The following LEF1 variants were observed in gnomAD, a reference collection of about 807,000 sequenced individuals.
The protein encoded by LEF1 is lymphoid enhancer-binding factor 1.
A neutral mutation model predicts 51.2 loss-of-function variants in LEF1; 14 were observed. The ratio of observed to expected loss-of-function variants is 0.27; its 90% CI spans 0.18 to 0.43. LEF1 has a LOEUF of 0.43. Ranked by LOEUF, LEF1 falls within the 20% of genes least tolerant of loss-of-function variation. The pLI, the probability that LEF1 is intolerant of heterozygous loss-of-function variation, is 1.00. For synonymous variants in LEF1, 185 were observed against 183.2 expected (o/e 1.01, Z -0.08); for missense variants, 386 against 512.0 (o/e 0.75, Z 2.37).
At chr4:108,061,072 A>G (rs535792927) in intron 11 of LEF1, among the ~76,000 whole-genome samples, 3 of 152,252 alleles carry the variant, frequency 2.0e-5, no homozygotes, top group Admixed American at 6.5e-5. Flanking sequence ...CTGGTCTCCA[A>G]ACTCGGATGG....
chr4:108,158,679 A>C (rs1027227955), intron 3 of LEF1, among the ~76,000 whole-genome samples: 5 of 152,152 alleles, frequency 3.3e-5, no homozygotes, highest in Non-Finnish European at 7.3e-5. Context: ...GCTCAAAAAA[A>C]AATTCAATCA....
intron 3 of LEF1, among the ~76,000 whole-genome samples, chr4:108,162,867 A>G (rs1745147377): frequency 6.6e-6 from 1 of 152,194 alleles, no homozygotes; most frequent in South Asian, 2.1e-4. Flanking sequence ...TGAGGTTTCC[A>G]CTTCCTAAGA....
intron 3 of LEF1, among the ~76,000 whole-genome samples, chr4:108,092,917 T>TAAAAAAAAAAAAAAA (rs71592104): frequency 2.9e-4 from 9 of 31,142 alleles, no homozygotes; most frequent in African/African-American, 3.9e-4. Context: ...AATGAATATG[T>TAAAAAAAAAAAAAAA]AAAAAAAAAA....
intron 3 of LEF1, among the ~76,000 whole-genome samples, chr4:108,161,602 G>C (rs1335326822): frequency 6.6e-6 from 1 of 152,120 alleles, no homozygotes; most frequent in East Asian, 1.9e-4. Context: ...TGGTAGATTG[G>C]GAGAAAAGAC....
intron 3 of LEF1, among the ~76,000 whole-genome samples, chr4:108,131,069 G>A (rs28368942): frequency 0.089 from 13,478 of 151,628 alleles, 776 homozygotes; most frequent in African/African-American, 0.16. Flanking sequence ...TCAAACTCCT[G>A]GACTCAAGTG....
intron 3 of LEF1, among the ~76,000 whole-genome samples, chr4:108,107,356 A>C (rs917824202): frequency 2.0e-5 from 3 of 152,110 alleles, no homozygotes; most frequent in Non-Finnish European, 4.4e-5. Context: ...AAAGTCTACA[A>C]AGAGAAAAAA....
intron 9 of LEF1, among the ~76,000 whole-genome samples, chr4:108,066,788 T>C (rs1015473937): frequency 6.6e-6 from 1 of 152,152 alleles, no homozygotes; most frequent in Non-Finnish European, 1.5e-5. Context: ...CTGTATAATA[T>C]TGGAAAGCAT....
Position 108,167,464 on chromosome 4 carries a change from G to T in LEF1, c.213+91C>A. 7.6e-7 allele frequency: 1 copy of T among 1,312,550 alleles called. No individual in the cohort carries two copies. The highest frequency in any genetic ancestry group is 1.1e-6 in the Non-Finnish European group (1 of 929,514). The allele number at this position is 1,312,550 out of a possible 1,614,324, so 81.3% of individuals were successfully genotyped here. A position where few individuals can be genotyped will look rare whatever the true frequency, so the allele number is the denominator to read the frequency against. Reference sequence around the variant, plus strand: ...AGGGATCTACTCGGGACCCTCAGCCGGGCGGCCGGGCGCCTTCGTTCCCTT... The same window carrying T: ...AGGGATCTACTCGGGACCCTCAGCCTGGCGGCCGGGCGCCTTCGTTCCCTT... On this transcript the variant is annotated intron_variant, in intron 1 of 11. Transcript: ENST00000265165. The surrounding 1 kb of genome is among the most constrained non-coding windows in gnomAD (Gnocchi z 5.7).
intron 3 of LEF1, among the ~76,000 whole-genome samples, chr4:108,090,134 A>G (rs1435731869): frequency 2.6e-5 from 4 of 151,822 alleles, no homozygotes; most frequent in Non-Finnish European, 5.9e-5. Context: ...CCGCCACCAC[A>G]TTCAGCTAAT....
At chr4:108,060,415 G>A (rs1460820174) in intron 11 of LEF1, among the ~76,000 whole-genome samples, 1 of 152,096 alleles carries the variant, frequency 6.6e-6, no homozygotes, top group Non-Finnish European at 1.5e-5. Flanking sequence ...AGAGGACGCT[G>A]GGCACAATCC....
At chr4:108,059,308 T>C (rs539722811) in intron 11 of LEF1, among the ~76,000 whole-genome samples, 3 of 152,292 alleles carry the variant, frequency 2.0e-5, no homozygotes, top group Admixed American at 2.0e-4. Flanking sequence ...ATGAAACCCA[T>C]AGGATCTTTA....
At position 108,088,325 on chromosome 4, in the gene LEF1, T is replaced by A. The variant is rs192306305; in HGVS notation, c.547+800A>T. On this transcript the variant is annotated intron_variant, in intron 4 of 11. Transcript: ENST00000265165. ...TTACGTTCTCTGCCTTCACATTTTTTAAAATCTTTTATTTTGAACTTTCAA... is the reference window on the plus strand; with the variant it reads ...TTACGTTCTCTGCCTTCACATTTTTAAAAATCTTTTATTTTGAACTTTCAA... Among the ~76,000 whole-genome samples, 201 of 152,342 alleles carry A rather than the reference T, an allele frequency of 1.3e-3. 1 individual carries two copies. The highest frequency in any genetic ancestry group is 3.1e-3 in the Admixed American group (47 of 15,310).
At chr4:108,097,631 C>A (rs1254477897) in intron 3 of LEF1, among the ~76,000 whole-genome samples, 1 of 152,086 alleles carries the variant, frequency 6.6e-6, no homozygotes, top group Non-Finnish European at 1.5e-5. Context: ...GAGATGGATA[C>A]CCCAATTACC....
chr4:108,115,114 C>T (rs1244962482), intron 3 of LEF1, among the ~76,000 whole-genome samples: 1 of 152,212 alleles, frequency 6.6e-6, no homozygotes, highest in Non-Finnish European at 1.5e-5. Flanking sequence ...TCTATGTCCA[C>T]ATATAATTCC....
chr4:108,166,013 C>A (rs1745366504), intron 1 of LEF1, among the ~76,000 whole-genome samples: 1 of 152,176 alleles, frequency 6.6e-6, no homozygotes, highest in Non-Finnish European at 1.5e-5. Flanking sequence ...GCAGGACTAG[C>A]AAAATGGGTA....
chr4:108,138,714 C>T (rs992926344), intron 3 of LEF1, among the ~76,000 whole-genome samples: 15 of 152,224 alleles, frequency 9.9e-5, no homozygotes, highest in South Asian at 2.1e-4. Flanking sequence ...CTCCTCCAAA[C>T]GCCTTGAAGT....
At chr4:108,103,443 T>C (rs1317715127) in intron 3 of LEF1, among the ~76,000 whole-genome samples, 3 of 152,226 alleles carry the variant, frequency 2.0e-5, no homozygotes, top group African/African-American at 4.8e-5. Context: ...TATGTGCCTA[T>C]GTTTTTCACC....
chr4:108,124,736 A>C (rs1742414386), intron 3 of LEF1, among the ~76,000 whole-genome samples: 1 of 152,220 alleles, frequency 6.6e-6, no homozygotes, highest in Admixed American at 6.5e-5. Context: ...AATTTTGGTC[A>C]GTTTGGGCCA....
intron 3 of LEF1, among the ~76,000 whole-genome samples, chr4:108,126,878 T>G (rs909223930): frequency 6.6e-6 from 1 of 150,510 alleles, no homozygotes; most frequent in African/African-American, 2.4e-5. Flanking sequence ...TATGTGTGTG[T>G]GTGTGTGTGT....
Sources: allele counts gnomAD v4.1 joint callset (sites outside exome capture counted in the v4.1 genomes callset), GRCh38; gene constraint gnomAD v4.1.1; non-coding constraint Gnocchi (gnomAD v3.1); transcripts MANE v1.5; gene names NCBI Gene and HGNC (gene_info 2026-07-23, HGNC 2026-07-21).